The following DACH1 variants were observed in gnomAD, a reference collection of about 807,000 sequenced individuals.
DACH1 encodes the protein dachshund family transcription factor 1, also known as dachshund homolog 1.
DACH1 carries 12 observed loss-of-function variants against 54.2 expected under a neutral mutation model. The observed-to-expected ratio is 0.22, with a 90% CI of 0.14 to 0.36. DACH1 has a LOEUF of 0.36. DACH1 is among the 10% of genes least tolerant of loss of function. The pLI, the probability that DACH1 is intolerant of heterozygous loss-of-function variation, is 1.00. For synonymous variants in DACH1, 386 were observed against 366.2 expected, an observed-to-expected ratio of 1.05 and a Z score of -0.62; for missense variants, 805 against 929.8, an observed-to-expected ratio of 0.87 and a Z score of 1.75.
At chr13:71,527,322 T>C (rs1033719447) in intron 6 of DACH1, among the ~76,000 whole-genome samples, 11 of 152,200 alleles carry the variant, frequency 7.2e-5, no homozygotes, top group African/African-American at 2.7e-4. Flanking sequence ...ACATTACTCA[T>C]ATAACTTTTA....
At chr13:71,522,323 G>A (rs1247493103) in intron 6 of DACH1, among the ~76,000 whole-genome samples, 2 of 151,992 alleles carry the variant, frequency 1.3e-5, no homozygotes, top group Non-Finnish European at 2.9e-5. Context: ...AGTACTGGGG[G>A]AAGAGGGTTG....
chr13:71,507,619 AC>A (rs1880439564), intron 6 of DACH1, among the ~76,000 whole-genome samples: 1 of 152,180 alleles, frequency 6.6e-6, no homozygotes, highest in Admixed American at 6.6e-5. Context: ...AAATACTCTA[AC>A]AAAGATAAGA....
chr13:71,850,608 C>G (rs1873594137), intron 1 of DACH1, among the ~76,000 whole-genome samples: 1 of 152,178 alleles, frequency 6.6e-6, no homozygotes, highest in Non-Finnish European at 1.5e-5. Flanking sequence ...AAAAACCACA[C>G]ATGATTCAGT....
intron 1 of DACH1, among the ~76,000 whole-genome samples, chr13:71,841,093 T>C (rs1377022489): frequency 1.3e-5 from 2 of 152,130 alleles, no homozygotes; most frequent in Non-Finnish European, 2.9e-5. Flanking sequence ...AAACCTAAAA[T>C]ATGTGGATGC....
intron 1 of DACH1, among the ~76,000 whole-genome samples, chr13:71,685,107 C>A (rs1015061042): frequency 6.6e-6 from 1 of 151,992 alleles, no homozygotes; most frequent in Admixed American, 6.6e-5. Context: ...ATTATTCTGG[C>A]CACAGGAATT....
At chr13:71,536,821 C>A (rs1882839705) in intron 6 of DACH1, among the ~76,000 whole-genome samples, 1 of 152,092 alleles carries the variant, frequency 6.6e-6, no homozygotes, top group African/African-American at 2.4e-5. Flanking sequence ...CTCAAGAAAT[C>A]CGCTCAACAC....
chr13:71,779,210 T>TATATACATATATACAC (rs1566494974), intron 1 of DACH1, among the ~76,000 whole-genome samples: 53 of 104,554 alleles, frequency 5.1e-4, no homozygotes, highest in African/African-American at 2.4e-3. Flanking sequence ...TATATGTGTA[T>TATATACATATATACAC]ATATATACGT....
At chr13:71,647,118 A>T (rs1314127107) in intron 2 of DACH1, among the ~76,000 whole-genome samples, 1 of 152,208 alleles carries the variant, frequency 6.6e-6, no homozygotes, top group Admixed American at 6.5e-5. Context: ...GACACTATCA[A>T]ATCACTTTAT....
chr13:71,627,354 C>G (rs1392302067), intron 3 of DACH1, among the ~76,000 whole-genome samples: 1 of 142,650 alleles, frequency 7.0e-6, no homozygotes, highest in Non-Finnish European at 1.5e-5. Flanking sequence ...AAAAAAAAAG[C>G]CTAAAATGTT....
intron 1 of DACH1, among the ~76,000 whole-genome samples, chr13:71,813,220 A>G (rs1887786204): frequency 6.6e-6 from 1 of 152,200 alleles, no homozygotes; most frequent in Non-Finnish European, 1.5e-5. Context: ...AGTTAGAACT[A>G]TTATTTATAG....
In DACH1 at chr13:71,479,142, T is replaced by C. The variant is rs184796064; in HGVS notation, c.1870+27A>G. The stretch of plus-strand genomic sequence containing the variant: ...TATGTTTAATATTTTCTGTAAATAT[T>C]TAACTTATCTGGAAATTTGGAAATA... On this transcript the variant is annotated intron_variant, in intron 8 of 10. Transcript: ENST00000613252. 3 of 1,580,546 alleles carry C rather than the reference T, an allele frequency of 1.9e-6. No individual in the cohort carries two copies. In the African/African-American group the frequency reaches 4.1e-5, roughly 21 times the overall value.
intron 1 of DACH1, among the ~76,000 whole-genome samples, chr13:71,772,010 C>G (rs757146878): frequency 5.9e-5 from 9 of 151,388 alleles, no homozygotes; most frequent in South Asian, 2.1e-4. Context: ...TTACAATTTA[C>G]TATCCTTAAA....
At chr13:71,830,163 C>T (rs1289626532) in intron 1 of DACH1, among the ~76,000 whole-genome samples, 2 of 151,790 alleles carry the variant, frequency 1.3e-5, no homozygotes, top group Non-Finnish European at 2.9e-5. Flanking sequence ...ACGAAACACA[C>T]CTACAACACT....
intron 2 of DACH1, among the ~76,000 whole-genome samples, chr13:71,641,942 C>G (rs1165652269): frequency 6.6e-6 from 1 of 152,056 alleles, no homozygotes; most frequent in Non-Finnish European, 1.5e-5. Flanking sequence ...GAAGAATTAC[C>G]AATGTGCAGT....
At chr13:71,628,954 C>T (rs188321923) in intron 3 of DACH1, among the ~76,000 whole-genome samples, 3 of 152,102 alleles carry the variant, frequency 2.0e-5, no homozygotes, top group Admixed American at 6.6e-5. Context: ...CTATTAAGAA[C>T]AGCCTTCATG....
intron 6 of DACH1, among the ~76,000 whole-genome samples, chr13:71,491,991 C>T (rs927224573): frequency 6.6e-6 from 1 of 152,102 alleles, no homozygotes; most frequent in Admixed American, 6.6e-5. Context: ...ATTGATATAT[C>T]TGTACATATT....
chr13:71,473,368 C>T (rs1035813908), intron 10 of DACH1, among the ~76,000 whole-genome samples: 5 of 152,132 alleles, frequency 3.3e-5, no homozygotes, highest in African/African-American at 9.7e-5. Flanking sequence ...CTGTATTCCT[C>T]CACTGGTAAG....
chr13:71,628,584 A>C (rs1375491112), intron 3 of DACH1, among the ~76,000 whole-genome samples: 1 of 152,058 alleles, frequency 6.6e-6, no homozygotes, highest in Non-Finnish European at 1.5e-5. Context: ...GGGGTGTCAA[A>C]ACTAAAAAAT....
At chr13:71,444,298 A>C (rs1730203760) in intron 10 of DACH1, among the ~76,000 whole-genome samples, 1 of 152,164 alleles carries the variant, frequency 6.6e-6, no homozygotes, top group Admixed American at 6.5e-5. Flanking sequence ...CTTTTGCCAA[A>C]GCTTTCTAAT....
Sources: gnomAD v4.1 joint callset for allele counts (sites outside exome capture counted in the v4.1 genomes callset) on GRCh38, gnomAD v4.1.1 for gene constraint, MANE v1.5 for transcripts, NCBI Gene and HGNC (gene_info 2026-07-23, HGNC 2026-07-21) for gene names.